ENKUR: variants seen among roughly 807,000 people sequenced by gnomAD.
ENKUR encodes the protein enkurin, TRPC channel interacting protein, also known as enkurin.
In ENKUR, 19 loss-of-function variants were observed where a neutral mutation model predicts 27.6. The ratio of observed to expected loss-of-function variants is 0.69; its 90% CI spans 0.48 to 1.01. The LOEUF is 1.01. ENKUR is among the 50% of genes least tolerant of loss of function. ENKUR has a pLI of 0.00. For synonymous variants in ENKUR, 117 were observed against 96.9 expected (o/e 1.21, Z -1.22); for missense variants, 312 against 310.5 (o/e 1.00, Z -0.04).
chr10:25,047,073 T>G (rs1851128958), intron 2 of ENKUR, among the ~76,000 whole-genome samples: 1 of 152,232 alleles, frequency 6.6e-6, no homozygotes, highest in African/African-American at 2.4e-5. Context: ...TAATTGACTC[T>G]GAGGCTGCTG....
rs1420042969 is a variant in ENKUR, at chr10:24,999,554, T to C, written c.78-8A>G. ...TTAAAAATGGATATGTACCTAAAAT[T>C]GAATTTTAAAAGTTGTAGCATTTAT... is the stretch of plus-strand genomic sequence containing the variant. On this transcript the variant is annotated splice_region_variant and splice_polypyrimidine_tract_variant and intron_variant, in intron 1 of 5. Transcript: ENST00000331161. 4 of 1,595,802 alleles carry C rather than the reference T, an allele frequency of 2.5e-6. No individual in the cohort carries two copies. In the Middle Eastern group the frequency reaches 5.1e-4, roughly 202 times the overall value.
exon 2 of ENKUR, chr10:25,061,269 G>C (rs1851323806): frequency 3.6e-6 from 3 of 843,726 alleles, no homozygotes; most frequent in Non-Finnish European, 3.8e-6. Context: ...GACACATCCA[G>C]ATATGGAAAA....
intron 2 of ENKUR, chr10:25,024,750 A>G: frequency 6.2e-7 from 1 of 1,614,140 alleles, no homozygotes; most frequent in Non-Finnish European, 8.5e-7. Context: ...TTCCCACAGG[A>G]AACTTTGGTA....
intron 2 of ENKUR, among the ~76,000 whole-genome samples, chr10:25,043,915 G>T (rs1256782917): frequency 6.7e-6 from 1 of 149,740 alleles, no homozygotes; most frequent in Non-Finnish European, 1.5e-5. Context: ...TTTAGTTCTA[G>T]GATTTCTGTT....
upstream of ENKUR, among the ~76,000 whole-genome samples, chr10:25,017,068 G>T (rs188669257): frequency 1.2e-4 from 18 of 152,138 alleles, no homozygotes; most frequent in African/African-American, 4.3e-4. Flanking sequence ...CCTCCGGGTC[G>T]GCTCTGCGCC....
chr10:25,041,501 A>G (rs1486350663), intron 2 of ENKUR, among the ~76,000 whole-genome samples: 5 of 151,910 alleles, frequency 3.3e-5, no homozygotes, highest in African/African-American at 1.2e-4. Flanking sequence ...TCTTTCTCTT[A>G]TCTTTCTAGA....
Position 25,037,261 on chromosome 10 carries a change from G to A in ENKUR, c.37+23851C>T, listed in dbSNP as rs2130465217. Among the ~76,000 whole-genome samples, 4 of 152,278 alleles carry A rather than the reference G, an allele frequency of 2.6e-5. No homozygotes were observed. In the Middle Eastern group the frequency reaches 0.014, roughly 518 times the overall value. ...ATTTTTGCAACTTAGTAGTGATGGA[G>A]AAATTAAGACTCATGGGCCTGAGAC... On this transcript the variant is annotated intron_variant, in intron 2 of 5. Transcript: ENST00000615958.
chr10:25,025,296 G>C, intron 2 of ENKUR: 1 of 1,614,194 alleles, frequency 6.2e-7, no homozygotes, highest in Non-Finnish European at 8.5e-7. Context: ...CATCAAGTCA[G>C]CTCTATTTGC....
At chr10:24,985,065 C>G (rs1432874499) in intron 4 of ENKUR, among the ~76,000 whole-genome samples, 160 bp from the exon 5 acceptor site, 1 of 152,114 alleles carries the variant, frequency 6.6e-6, no homozygotes. Context: ...CCACGGTAAC[C>G]AAAAATACTG....
At chr10:25,017,731 GGATCTGTA>G (rs1458498664), upstream of ENKUR, among the ~76,000 whole-genome samples, 2 of 150,884 alleles carry the variant, frequency 1.3e-5, no homozygotes, top group East Asian at 3.9e-4. Flanking sequence ...TTAGATAGAT[GGATCTGTA>G]GATCTATATT....
At chr10:25,025,232 A>T (rs769467362) in intron 2 of ENKUR, 1 of 1,614,208 alleles carries the variant, frequency 6.2e-7, no homozygotes. Flanking sequence ...CATTACTCAA[A>T]GTTTGCACCT....
At position 24,995,668 on chromosome 10, in the gene ENKUR, A is replaced by T. The variant is rs1476005658; in HGVS notation, c.425T>A (p.Val142Asp). The T allele has an allele frequency of 5.6e-6, 9 of 1,613,240 alleles. No individual in the cohort carries two copies. The highest frequency in any genetic ancestry group is 7.6e-6 in the Non-Finnish European group (9 of 1,179,802). ...TACCTTTTTATTGATGTACTTTGGA[A>T]CTAGTCCTGAAGGCTCAAGATCATG... ...DKHDLEPSGL[V>D]PKYINKKDYG... The change falls in exon 3 of 6, where the codon GTT becomes GAT. Residue 142 changes from valine to aspartate, a missense_variant. Transcript: ENST00000331161.
chr10:25,039,721 A>T (rs1331594544), intron 2 of ENKUR, among the ~76,000 whole-genome samples: 1 of 152,178 alleles, frequency 6.6e-6, no homozygotes, highest in African/African-American at 2.4e-5. Flanking sequence ...ATCACAAAAC[A>T]GTGGCTTAAA....
At position 24,984,126 on chromosome 10, in the gene ENKUR, G is replaced by T. The variant is rs1407730334; in HGVS notation, c.*244C>A. ...CTTTATAAGTTGTCATCTTGATTTT[G>T]TAAGTTGTCTTCTTAATTTTTCTTC... On this transcript the variant is annotated 3_prime_UTR_variant, in exon 6 of 6. Transcript: ENST00000331161. 2 of 412,666 alleles carry T rather than the reference G, an allele frequency of 4.8e-6. No individual in the cohort carries two copies. The highest frequency in any genetic ancestry group is 8.6e-6 in the Non-Finnish European group (2 of 233,906). 25.6% of individuals were successfully genotyped at this position (412,666 alleles called of 1,614,324 possible). A position where few individuals can be genotyped will look rare whatever the true frequency, so the allele number is the denominator to read the frequency against.
At chr10:24,997,436 G>T (rs1211287535) in intron 2 of ENKUR, among the ~76,000 whole-genome samples, 1 of 150,222 alleles carries the variant, frequency 6.7e-6, no homozygotes, top group Non-Finnish European at 1.5e-5. Flanking sequence ...ACCCAGGCTG[G>T]AGTGCAGTGA....
chr10:25,049,783 C>CAAAA (rs60646580), intron 2 of ENKUR, among the ~76,000 whole-genome samples: 2 of 69,298 alleles, frequency 2.9e-5, no homozygotes, highest in African/African-American at 8.2e-5. Flanking sequence ...GACTCCGTCT[C>CAAAA]AAAAAAAAAA....
chr10:25,025,218 A>G (rs1564351018), intron 2 of ENKUR: 2 of 1,614,098 alleles, frequency 1.2e-6, no homozygotes, highest in African/African-American at 1.3e-5. Flanking sequence ...TCTCATCTAC[A>G]GCCCATTACT....
intron 2 of ENKUR, among the ~76,000 whole-genome samples, chr10:25,044,073 A>G: frequency 6.6e-6 from 1 of 151,966 alleles, no homozygotes. Context: ...GACTGTTTCT[A>G]TTGATTGATT....
At chr10:25,034,095 T>C (rs1433688776) in intron 2 of ENKUR, among the ~76,000 whole-genome samples, 1 of 151,316 alleles carries the variant, frequency 6.6e-6, no homozygotes. Flanking sequence ...AATGTGAAAA[T>C]TATGCAAAAA....
Sources: gnomAD v4.1 joint callset for allele counts (sites outside exome capture counted in the v4.1 genomes callset) on GRCh38, gnomAD v4.1.1 for gene constraint, MANE v1.5 for transcripts, NCBI Gene and HGNC (gene_info 2026-07-23, HGNC 2026-07-21) for gene names.